The following PCDHA8 variants were observed in gnomAD, a reference collection of about 807,000 sequenced individuals.
PCDHA8 encodes the protein protocadherin alpha-8.
PCDHA8 carries 53 observed loss-of-function variants against 61.8 expected under a neutral mutation model. The ratio of observed to expected loss-of-function variants is 0.86; its 90% CI spans 0.69 to 1.08. The LOEUF (loss-of-function observed/expected upper bound fraction) is 1.08, where lower values mean the gene tolerates loss of function less well. Ranked by LOEUF, PCDHA8 falls within the 50% of genes least tolerant of loss-of-function variation. The pLI is 0.00. For missense variants in PCDHA8, 1,293 were observed against 1,245.0 expected (o/e 1.04, Z -0.58); for synonymous variants, 618 against 556.6 (o/e 1.11, Z -1.55).
chr5:140,992,789 T>G (rs2097528439), intron 3 of PCDHA8, among the ~76,000 whole-genome samples: 1 of 152,148 alleles, frequency 6.6e-6, no homozygotes, highest in Admixed American at 6.5e-5. Flanking sequence ...AGGGTCAATT[T>G]TATGGATCCA....
At chr5:140,870,161 CCTT>C in intron 1 of PCDHA8, 2 of 1,614,124 alleles carry the variant, frequency 1.2e-6, no homozygotes, top group Non-Finnish European at 1.7e-6. Flanking sequence ...GCCGTGACTT[CCTT>C]GTCCCTCCCA....
At chr5:140,860,165 GT>G (rs1478173649) in intron 1 of PCDHA8, 2 of 147,750 alleles carry the variant, frequency 1.4e-5, no homozygotes, top group Non-Finnish European at 3.0e-5. Flanking sequence ...ATATATATAT[GT>G]ATATATATAT....
At chr5:140,855,751 T>G in intron 1 of PCDHA8, 1 of 328,292 alleles carries the variant, frequency 3.0e-6, no homozygotes, top group Non-Finnish European at 5.6e-6. Flanking sequence ...ATGTGAGGCT[T>G]TGAAAGTCCA....
chr5:140,897,781 T>G (rs1437567567), intron 1 of PCDHA8, among the ~76,000 whole-genome samples: 1 of 152,172 alleles, frequency 6.6e-6, no homozygotes, highest in East Asian at 1.9e-4. Flanking sequence ...TCCACAATGG[T>G]TGAACTAGTT....
intron 1 of PCDHA8, chr5:140,849,428 A>G: frequency 6.3e-7 from 1 of 1,578,702 alleles, no homozygotes; most frequent in Non-Finnish European, 8.6e-7. Context: ...TGGATTTTGA[A>G]GAAAGTAGAG....
At chr5:140,968,715 A>T (rs2096265469) in intron 1 of PCDHA8, 1 of 1,614,014 alleles carries the variant, frequency 6.2e-7, no homozygotes, top group South Asian at 1.1e-5. Flanking sequence ...AAGATGGGAG[A>T]TGAGAGTGGT....
intron 3 of PCDHA8, among the ~76,000 whole-genome samples, chr5:140,996,834 A>G (rs527764387): frequency 1.7e-4 from 26 of 152,374 alleles, no homozygotes; most frequent in Middle Eastern, 3.4e-3. Flanking sequence ...CCAATAATTT[A>G]GCGTGCATCT....
chr5:141,001,706 C>T (rs2098033561), intron 3 of PCDHA8, among the ~76,000 whole-genome samples: 1 of 151,850 alleles, frequency 6.6e-6, no homozygotes, highest in African/African-American at 2.4e-5. Flanking sequence ...AAATAGGGGG[C>T]GGGGAAGGAG....
chr5:140,905,880 A>C (rs1485985374), intron 1 of PCDHA8, among the ~76,000 whole-genome samples: 1 of 152,172 alleles, frequency 6.6e-6, no homozygotes, highest in Non-Finnish European at 1.5e-5. Context: ...AGGCCCAACA[A>C]TAGGCCATCT....
chr5:140,963,395 C>T (rs544819387), intron 1 of PCDHA8, among the ~76,000 whole-genome samples: 4 of 152,322 alleles, frequency 2.6e-5, no homozygotes, highest in African/African-American at 7.2e-5. Flanking sequence ...AAGCTCCCTA[C>T]TGGATGCTGT....
intron 1 of PCDHA8, chr5:140,876,140 C>T: frequency 6.2e-7 from 1 of 1,613,944 alleles, no homozygotes; most frequent in East Asian, 2.2e-5. Context: ...CCAGAACTAA[C>T]AGGGTCTGTC....
At chr5:140,913,212 T>G (rs113766408) in intron 1 of PCDHA8, among the ~76,000 whole-genome samples, 11,533 of 152,278 alleles carry the variant, frequency 0.076, 607 homozygotes, top group Non-Finnish European at 0.12. Flanking sequence ...AGCCAATGGG[T>G]CCCAGGCTTT....
At chr5:140,911,822 C>A (rs2075653935) in intron 1 of PCDHA8, among the ~76,000 whole-genome samples, 1 of 152,104 alleles carries the variant, frequency 6.6e-6, no homozygotes. Context: ...CTCCAGAAAC[C>A]CCAAAACCAA....
chr5:140,971,771 T>C (rs1433692038), intron 1 of PCDHA8, among the ~76,000 whole-genome samples: 1 of 152,192 alleles, frequency 6.6e-6, no homozygotes, highest in Non-Finnish European at 1.5e-5. Context: ...TCTTGAATAT[T>C]ATTCAAGATT....
intron 1 of PCDHA8, among the ~76,000 whole-genome samples, chr5:140,894,384 T>A (rs1554186071): frequency 6.6e-6 from 1 of 152,046 alleles, no homozygotes; most frequent in Admixed American, 6.5e-5. Flanking sequence ...ATTATATTTG[T>A]ATTAGATATT....
chr5:140,974,782 C>T (rs1211935245), intron 1 of PCDHA8, among the ~76,000 whole-genome samples: 11 of 152,150 alleles, frequency 7.2e-5, no homozygotes, highest in African/African-American at 2.7e-4. Context: ...GCCACTGCGC[C>T]CAGCCCTCAT....
At position 140,843,162 on chromosome 5, in the gene PCDHA8, C is replaced by G; in HGVS notation, c.1841C>G (p.Ala614Gly). 1.9e-6 allele frequency: 3 copies of G among 1,596,122 alleles called. 1 individual carries two copies. The highest frequency in any genetic ancestry group is 2.6e-6 in the Non-Finnish European group (3 of 1,165,610). ...TGGCTTTCGTATGAGCTGCAGCCAG[C>G]TGCAAGCAGCCCTCGCATCCCGTTC... ...NAWLSYELQP[A>G]ASSPRIPFRV... Residue 614 changes from alanine (A) to glycine (G), a missense_variant, in exon 1 of 4, where the codon GCT becomes GGT. By Grantham distance (60) the Ala-to-Gly change is moderately conservative (BLOSUM62 0). Coordinates refer to ENST00000531613, the MANE Select transcript of PCDHA8 (RefSeq NM_018911.3).
chr5:140,883,262 G>T (rs1211665444), intron 1 of PCDHA8: 1 of 1,613,956 alleles, frequency 6.2e-7, no homozygotes. Flanking sequence ...TCCAATGGCG[G>T]GTCATTGTAC....
At chr5:140,950,080 C>G (rs528804395) in intron 1 of PCDHA8, among the ~76,000 whole-genome samples, 2 of 151,836 alleles carry the variant, frequency 1.3e-5, no homozygotes, top group Admixed American at 1.3e-4. Context: ...ATTGCTTATG[C>G]TATAGTTTTC....
Sources: allele counts gnomAD v4.1 joint callset (sites outside exome capture counted in the v4.1 genomes callset), GRCh38; gene constraint gnomAD v4.1.1; transcripts MANE v1.5; gene names NCBI Gene and HGNC (gene_info 2026-07-23, HGNC 2026-07-21).